SEMA6D: variants seen among roughly 807,000 people sequenced by gnomAD.
SEMA6D encodes the protein semaphorin-6D.
SEMA6D carries 35 observed loss-of-function variants against 106.6 expected under a neutral mutation model. The ratio of observed to expected loss-of-function variants is 0.33; its 90% CI spans 0.25 to 0.44. The LOEUF (loss-of-function observed/expected upper bound fraction) is 0.44, where lower values mean the gene tolerates loss of function less well. Ranked by LOEUF, SEMA6D falls within the 20% of genes least tolerant of loss-of-function variation. The pLI is 1.00. For missense variants in SEMA6D, 1,185 were observed against 1,345.9 expected (o/e 0.88, Z 1.87); for synonymous variants, 499 against 487.7 (o/e 1.02, Z -0.31).
intron 4 of SEMA6D, among the ~76,000 whole-genome samples, chr15:47,621,338 G>A (rs969010868): frequency 2.6e-5 from 4 of 152,078 alleles, no homozygotes; most frequent in Non-Finnish European, 4.4e-5. Context: ...TAGAAACGTA[G>A]GAGTTATAAG....
intron 1 of SEMA6D, chr15:47,395,598 C>T (rs1270790892): frequency 6.6e-6 from 1 of 152,198 alleles, no homozygotes; most frequent in Non-Finnish European, 1.5e-5. Context: ...AAGAGAGGAC[C>T]TGTCCAGCAG....
chr15:47,525,054 G>A (rs1278926856), intron 3 of SEMA6D: 2 of 152,204 alleles, frequency 1.3e-5, no homozygotes, highest in South Asian at 2.1e-4. Flanking sequence ...TATTCACAGA[G>A]TGTCTGTTTC....
intron 1 of SEMA6D, among the ~76,000 whole-genome samples, chr15:47,278,681 C>A (rs2034955829): frequency 6.6e-6 from 1 of 151,772 alleles, no homozygotes; most frequent in Non-Finnish European, 1.5e-5. Flanking sequence ...GACATGAAGT[C>A]CTTGCCCATG....
At chr15:47,299,754 A>G (rs1249161951) in intron 1 of SEMA6D, among the ~76,000 whole-genome samples, 1 of 152,202 alleles carries the variant, frequency 6.6e-6, no homozygotes, top group East Asian at 1.9e-4. Flanking sequence ...CTTAGAAGCT[A>G]CTGTCTACCA....
intron 1 of SEMA6D, among the ~76,000 whole-genome samples, chr15:47,758,327 C>G (rs1454943334): frequency 6.6e-6 from 1 of 152,088 alleles, no homozygotes; most frequent in Non-Finnish European, 1.5e-5. Context: ...GTTGGACTCC[C>G]CTGGAATTTG....
intron 2 of SEMA6D, among the ~76,000 whole-genome samples, chr15:47,428,992 AAGGG>A (rs1038621579): frequency 2.0e-5 from 3 of 151,212 alleles, no homozygotes; most frequent in South Asian, 2.1e-4. Flanking sequence ...GGAAAGAAGA[AAGGG>A]AGGGAGGGAG....
At position 47,631,456 on chromosome 15, in the gene SEMA6D, G is replaced by GA. The variant is rs1244588880; in HGVS notation, c.-55+30569dup. Among the ~76,000 whole-genome samples the GA allele has an allele frequency of 1.4e-3, 200 of 147,484 alleles. 3 individuals are homozygous for GA. In the South Asian group the frequency reaches 0.02, roughly 15 times the overall value. ...TCTATAAATGTTACCTTATACACAC[G>GA]AAAAAAAAATGAAAGAAAAAGGAAA... On this transcript the variant is annotated intron_variant, in intron 4 of 19. Coordinates refer to the SEMA6D transcript ENST00000558014.
At chr15:47,677,758 G>C (rs575592326) in intron 4 of SEMA6D, among the ~76,000 whole-genome samples, 2 of 152,262 alleles carry the variant, frequency 1.3e-5, no homozygotes, top group East Asian at 1.9e-4. Flanking sequence ...GTGAACACCA[G>C]TATCTGTATC....
At chr15:47,268,891 T>C (rs1171731078) in intron 1 of SEMA6D, among the ~76,000 whole-genome samples, 1 of 152,142 alleles carries the variant, frequency 6.6e-6, no homozygotes, top group Non-Finnish European at 1.5e-5. Context: ...GAATTTTTGC[T>C]TTTTTTCCCT....
At chr15:47,242,266 T>C (rs550502729) in intron 1 of SEMA6D, among the ~76,000 whole-genome samples, 68 of 152,268 alleles carry the variant, frequency 4.5e-4, no homozygotes, top group Admixed American at 2.0e-3. Flanking sequence ...CAAAAATCAC[T>C]ATTACTTTTA....
intron 1 of SEMA6D, among the ~76,000 whole-genome samples, chr15:47,339,745 G>C (rs947666012): frequency 3.3e-5 from 5 of 152,114 alleles, no homozygotes; most frequent in Non-Finnish European, 5.9e-5. Flanking sequence ...TGTAGTCCCA[G>C]CTGCTGGAGA....
chr15:47,439,335 T>C (rs1382984519), intron 2 of SEMA6D, among the ~76,000 whole-genome samples: 1 of 152,142 alleles, frequency 6.6e-6, no homozygotes, highest in Non-Finnish European at 1.5e-5. Context: ...AACTCAATAC[T>C]TACAGTCTCC....
chr15:47,645,130 A>G (rs185239527), intron 4 of SEMA6D, among the ~76,000 whole-genome samples: 5 of 152,132 alleles, frequency 3.3e-5, no homozygotes, highest in Non-Finnish European at 7.4e-5. Flanking sequence ...TTGGGCTCCA[A>G]ATCTGTTTCG....
intron 4 of SEMA6D, among the ~76,000 whole-genome samples, chr15:47,674,358 A>G (rs567072135): frequency 6.6e-6 from 1 of 152,346 alleles, no homozygotes; most frequent in Non-Finnish European, 1.5e-5. Flanking sequence ...GATTCCTCAG[A>G]CACCATTATT....
chr15:47,721,024 A>C (rs1007675835), intron 1 of SEMA6D, among the ~76,000 whole-genome samples: 1 of 152,212 alleles, frequency 6.6e-6, no homozygotes, highest in African/African-American at 2.4e-5. Context: ...AGAGGAAGCA[A>C]GAAGCAGTTG....
At chr15:47,760,896 C>A in intron 3 of SEMA6D, 82 bp from the exon 4 acceptor site, 1 of 1,229,452 alleles carries the variant, frequency 8.1e-7, no homozygotes, top group Non-Finnish European at 1.2e-6. Flanking sequence ...ACAATAAAGG[C>A]AGATCTGTAA....
chr15:47,697,589 C>T (rs2078726991), intron 4 of SEMA6D, among the ~76,000 whole-genome samples: 1 of 152,142 alleles, frequency 6.6e-6, no homozygotes, highest in Non-Finnish European at 1.5e-5. Context: ...ATTTAATAAA[C>T]TGGATTTGTT....
At chr15:47,750,841 A>G (rs758674077) in intron 1 of SEMA6D, among the ~76,000 whole-genome samples, 4 of 152,172 alleles carry the variant, frequency 2.6e-5, no homozygotes, top group Non-Finnish European at 5.9e-5. Context: ...TTATTTGTTC[A>G]GATGTGACAC....
intron 2 of SEMA6D, among the ~76,000 whole-genome samples, chr15:47,468,209 CTA>C (rs372637574): frequency 7.9e-5 from 12 of 151,804 alleles, no homozygotes; most frequent in African/African-American, 2.9e-4. Context: ...GTGTTCATAC[CTA>C]TGTTTCTTCA....
Sources: allele counts gnomAD v4.1 joint callset (sites outside exome capture counted in the v4.1 genomes callset), GRCh38; gene constraint gnomAD v4.1.1; transcripts MANE v1.5; gene names NCBI Gene and HGNC (gene_info 2026-07-23, HGNC 2026-07-21).